The following UNC13C variants were observed in gnomAD, a reference collection of about 807,000 sequenced individuals.
The protein encoded by UNC13C is protein unc-13 homolog C.
A neutral mutation model predicts 245.4 loss-of-function variants in UNC13C; 174 were observed. The observed-to-expected ratio is 0.71, with a 90% CI of 0.63 to 0.80. The LOEUF (loss-of-function observed/expected upper bound fraction) is 0.80. UNC13C is among the 30% of genes least tolerant of loss of function. UNC13C has a pLI of 0.00. For missense variants in UNC13C, 2,829 were observed against 2,602.9 expected (o/e 1.09, Z -1.89); for synonymous variants, 992 against 895.1 (o/e 1.11, Z -1.93).
At chr15:54,017,465 G>A (rs1162167431) in intron 2 of UNC13C, among the ~76,000 whole-genome samples, 1 of 151,282 alleles carries the variant, frequency 6.6e-6, no homozygotes, top group Non-Finnish European at 1.5e-5. Flanking sequence ...GGCAAATGAA[G>A]ACTAAGAAGT....
chr15:54,439,217 T>C (rs1890384590), intron 19 of UNC13C, among the ~76,000 whole-genome samples: 1 of 152,018 alleles, frequency 6.6e-6, no homozygotes, highest in Non-Finnish European at 1.5e-5. Flanking sequence ...ATACCAGGAA[T>C]AACAGTAGTA....
intron 2 of UNC13C, among the ~76,000 whole-genome samples, chr15:54,115,572 A>G (rs2030184101): frequency 6.6e-6 from 1 of 152,126 alleles, no homozygotes; most frequent in Non-Finnish European, 1.5e-5. Flanking sequence ...ATAATGTGTA[A>G]AGATCAAATC....
At chr15:54,336,490 A>AT (rs55945010) in intron 16 of UNC13C, among the ~76,000 whole-genome samples, 7 of 149,308 alleles carry the variant, frequency 4.7e-5, no homozygotes, top group South Asian at 2.1e-4. Context: ...CTACTTTATC[A>AT]TTTTTTTTTT....
intron 2 of UNC13C, among the ~76,000 whole-genome samples, chr15:54,019,744 T>C (rs1414158434): frequency 2.0e-5 from 3 of 152,220 alleles, no homozygotes; most frequent in African/African-American, 7.2e-5. Context: ...AGTAAGGATA[T>C]AAAACTGAAG....
chr15:54,562,016 G>C (rs1897314158), intron 29 of UNC13C, among the ~76,000 whole-genome samples: 2 of 152,078 alleles, frequency 1.3e-5, no homozygotes, highest in South Asian at 4.1e-4. Context: ...GTTCCACCAA[G>C]AAAAATGGGA....
chr15:54,605,024 G>A (rs1403099489), intron 30 of UNC13C, among the ~76,000 whole-genome samples: 1 of 152,182 alleles, frequency 6.6e-6, no homozygotes, highest in African/African-American at 2.4e-5. Context: ...CATCTCCAAA[G>A]GATGCTGCAT....
At chr15:54,371,321 G>A (rs1321917596) in intron 17 of UNC13C, among the ~76,000 whole-genome samples, 1 of 151,976 alleles carries the variant, frequency 6.6e-6, no homozygotes, top group African/African-American at 2.4e-5. Flanking sequence ...TAACGTAACT[G>A]GAATGATTAT....
intron 4 of UNC13C, among the ~76,000 whole-genome samples, chr15:54,207,185 A>G (rs536399798): frequency 3.3e-5 from 5 of 152,074 alleles, no homozygotes; most frequent in African/African-American, 1.2e-4. Context: ...GTTGTTCCGA[A>G]CAAAACTCAT....
the UNC13C span, among the ~76,000 whole-genome samples, chr15:53,924,432 T>C: frequency 1.3e-5 from 2 of 152,196 alleles, no homozygotes; most frequent in Non-Finnish European, 2.9e-5. Context: ...ACTTAGGAAA[T>C]AAATAGCTAA....
chr15:54,265,880 T>A (rs2036538522), intron 10 of UNC13C, among the ~76,000 whole-genome samples: 1 of 151,964 alleles, frequency 6.6e-6, no homozygotes, highest in Admixed American at 6.6e-5. Context: ...ACTTAGAGCA[T>A]CTCCTGGCCC....
chr15:54,414,662 G>A (rs937983191), intron 18 of UNC13C, among the ~76,000 whole-genome samples: 2 of 151,756 alleles, frequency 1.3e-5, no homozygotes, highest in Middle Eastern at 3.2e-3. Context: ...AAAAGAAGAA[G>A]ATGGAGTCTT....
intron 10 of UNC13C, among the ~76,000 whole-genome samples, chr15:54,268,071 C>T (rs556856520): frequency 6.6e-6 from 1 of 151,910 alleles, no homozygotes; most frequent in African/African-American, 2.4e-5. Flanking sequence ...AGGTTTTAAG[C>T]CCAGCATGCA....
the UNC13C span, among the ~76,000 whole-genome samples, chr15:53,883,336 G>A: frequency 0.056 from 8,601 of 152,300 alleles, 290 homozygotes; most frequent in Middle Eastern, 0.15. Context: ...TACTGTTGCT[G>A]TTTGCTTTGA....
intron 26 of UNC13C, among the ~76,000 whole-genome samples, chr15:54,539,266 CT>C (rs944169293): frequency 6.6e-6 from 1 of 151,214 alleles, no homozygotes; most frequent in African/African-American, 2.4e-5. Context: ...AAAATTAAGC[CT>C]TATGTTTTGT....
At chr15:54,511,905 G>C in intron 24 of UNC13C, 75 bp downstream of exon 24, 1 of 1,097,474 alleles carries the variant, frequency 9.1e-7, no homozygotes, top group Non-Finnish European at 1.3e-6. Context: ...TGCTATGAAA[G>C]TGTCTTAATC....
At chr15:54,104,240 A>G (rs1211452052) in intron 2 of UNC13C, among the ~76,000 whole-genome samples, 3 of 152,174 alleles carry the variant, frequency 2.0e-5, no homozygotes, top group Admixed American at 6.5e-5. Context: ...CCTGGATTCT[A>G]TATCTTTTCC....
intron 2 of UNC13C, among the ~76,000 whole-genome samples, chr15:54,061,289 T>A (rs1317274886): frequency 6.6e-6 from 1 of 152,168 alleles, no homozygotes; most frequent in Non-Finnish European, 1.5e-5. Context: ...CAGTGTCTGA[T>A]TCTTGGTGGA....
At chr15:53,872,259 G>A in the UNC13C span, among the ~76,000 whole-genome samples, 14 of 152,184 alleles carry the variant, frequency 9.2e-5, no homozygotes, top group Admixed American at 3.3e-4. Flanking sequence ...GATAGGGAGT[G>A]GAGAAGTTTT....
At chr15:54,555,120 A>G (rs1380472838) in intron 28 of UNC13C, among the ~76,000 whole-genome samples, 1 of 152,062 alleles carries the variant, frequency 6.6e-6, no homozygotes, top group Non-Finnish European at 1.5e-5. Flanking sequence ...AAACCAAGGA[A>G]GTCAGGTGAC....
Sources: gnomAD v4.1 joint callset for allele counts (sites outside exome capture counted in the v4.1 genomes callset) on GRCh38, gnomAD v4.1.1 for gene constraint, MANE v1.5 for transcripts, NCBI Gene and HGNC (gene_info 2026-07-23, HGNC 2026-07-21) for gene names.